Variants in TNFRSF19 observed in about 807,000 individuals in gnomAD.
The protein encoded by TNFRSF19 is tumor necrosis factor receptor superfamily member 19.
Under a neutral mutation model 46.4 loss-of-function variants are expected in TNFRSF19, and 27 were observed. The observed-to-expected ratio is 0.58, with a 90% CI of 0.43 to 0.80. The LOEUF is 0.80. Ranked by LOEUF, TNFRSF19 falls within the 30% of genes least tolerant of loss-of-function variation. The probability of loss-of-function intolerance (pLI) is 0.00; values close to 1 mark genes in which losing one functional copy is unlikely to be tolerated. For missense variants in TNFRSF19, 511 were observed against 530.8 expected, an observed-to-expected ratio of 0.96 and a Z score of 0.37; for synonymous variants, 204 against 205.0, an observed-to-expected ratio of 1.00 and a Z score of 0.04.
intron 3 of TNFRSF19, among the ~76,000 whole-genome samples, chr13:23,601,104 T>A (rs549684766): frequency 6.6e-6 from 1 of 152,192 alleles, no homozygotes; most frequent in East Asian, 1.9e-4. Context: ...GACTTAGAAT[T>A]TTCCCAAGTT....
intron 5 of TNFRSF19, among the ~76,000 whole-genome samples, chr13:23,644,759 G>C (rs1366247558): frequency 6.6e-6 from 1 of 152,156 alleles, no homozygotes; most frequent in Non-Finnish European, 1.5e-5. Context: ...AAACACAGAC[G>C]GTAGGAAATA....
Position 23,657,725 on chromosome 13 carries a change from G to T in TNFRSF19, c.446-1325G>T, listed in dbSNP as rs558351009. Among the ~76,000 whole-genome samples the T allele has an allele frequency of 6.3e-4, 95 of 151,538 alleles. 2 individuals carry two copies. In the South Asian group the frequency reaches 0.019, roughly 31 times the overall value. ...TCTTTTTTTCTTGAGACAGAGTCTC[G>T]CTCTGTCGTCCAGGCTGGAGCGCAG... On this transcript the variant is annotated intron_variant, in intron 5 of 9. Transcript: ENST00000248484.
At chr13:23,641,414 CCT>C (rs1457923150) in intron 5 of TNFRSF19, among the ~76,000 whole-genome samples, 1 of 152,180 alleles carries the variant, frequency 6.6e-6, no homozygotes, top group African/African-American at 2.4e-5. Flanking sequence ...CTCACTATAA[CCT>C]CTGCCTCCCA....
intron 4 of TNFRSF19, among the ~76,000 whole-genome samples, chr13:23,624,143 C>G (rs1424767106): frequency 6.6e-6 from 1 of 152,102 alleles, no homozygotes; most frequent in African/African-American, 2.4e-5. Context: ...AGAGACTGTT[C>G]TTTCCTCACT....
At position 23,593,368 on chromosome 13, in the gene TNFRSF19, A is replaced by G; in HGVS notation, c.93A>G (p.Ser31=). 1 of 1,581,750 alleles carries G rather than the reference A, an allele frequency of 6.3e-7. No individual in the cohort carries two copies. Among genetic ancestry groups the G allele is most frequent in the Non-Finnish European group, 8.5e-7 (1 of 1,171,256 alleles). ...AGTCATGTAAAGTGACTTGTGAATC[A>G]GGAGACTGTAGACAGCAAGAATTCA... is the stretch of plus-strand genomic sequence containing the variant. ...GYLSCKVTCE[S]GDCRQQEFRD... The change falls in exon 3 of 10, where the codon TCA becomes TCG. Residue 31 remains serine, a synonymous_variant. Coordinates refer to ENST00000248484, the MANE Select transcript of TNFRSF19 (RefSeq NM_148957.4).
intron 3 of TNFRSF19, among the ~76,000 whole-genome samples, chr13:23,598,892 C>T (rs1879924048): frequency 6.6e-6 from 1 of 152,144 alleles, no homozygotes; most frequent in South Asian, 2.1e-4. Context: ...TTTAAAGGGA[C>T]TTTTAAAGAG....
chr13:23,590,285 G>A (rs1388941357), intron 2 of TNFRSF19, 33 bp downstream of exon 2: 1 of 1,353,944 alleles, frequency 7.4e-7, no homozygotes, highest in Non-Finnish European at 1.0e-6. Context: ...TCATAAGAAT[G>A]TGGTGAAAGA....
intron 5 of TNFRSF19, among the ~76,000 whole-genome samples, chr13:23,649,892 G>T (rs1198411084): frequency 6.6e-6 from 1 of 151,868 alleles, no homozygotes; most frequent in African/African-American, 2.4e-5. Flanking sequence ...TTCTAATTTT[G>T]TTCCTTTATG....
At chr13:23,607,314 A>T (rs1880576098) in intron 3 of TNFRSF19, among the ~76,000 whole-genome samples, 1 of 151,960 alleles carries the variant, frequency 6.6e-6, no homozygotes, top group Non-Finnish European at 1.5e-5. Flanking sequence ...GGCGCCTTTA[A>T]TCCCAGCTAC....
At chr13:23,672,952 T>G (rs920867450) in intron 9 of TNFRSF19, among the ~76,000 whole-genome samples, 2 of 152,262 alleles carry the variant, frequency 1.3e-5, no homozygotes, top group African/African-American at 4.8e-5. Context: ...AATGGTACTA[T>G]TCATTCATCT....
At chr13:23,664,822 G>T (rs1157320388) in intron 7 of TNFRSF19, among the ~76,000 whole-genome samples, 21 of 152,188 alleles carry the variant, frequency 1.4e-4, no homozygotes, top group Admixed American at 1.4e-3. Context: ...CTACAAACCT[G>T]TACGGCATGT....
At chr13:23,594,451 G>C (rs900564441) in intron 3 of TNFRSF19, 2 of 248,606 alleles carry the variant, frequency 8.0e-6, no homozygotes, top group African/African-American at 4.6e-5. Context: ...GGATTGAGTA[G>C]GTGGTTTTCC....
rs770014148 is a variant in TNFRSF19 at position 23,673,365 on chromosome 13, GTT to G, written c.1246-4_1246-3del. 1.9e-6 allele frequency: 3 copies of G among 1,602,636 alleles called. No homozygotes were observed. The highest frequency in any genetic ancestry group is 2.6e-6 in the Non-Finnish European group (3 of 1,173,410). ...TTTCTAAAGCTTCCTTTCTGTTGCTGTTTTAGGAAGCTTAAAGAACCTGCTTC... is the reference window on the plus strand; with the variant it reads ...TTTCTAAAGCTTCCTTTCTGTTGCTGTTAGGAAGCTTAAAGAACCTGCTTC... On this transcript the variant is annotated splice_polypyrimidine_tract_variant and splice_region_variant and intron_variant, in intron 9 of 9. Coordinates refer to ENST00000248484, the MANE Select transcript of TNFRSF19 (RefSeq NM_148957.4).
intron 1 of TNFRSF19, among the ~76,000 whole-genome samples, chr13:23,578,704 AG>A (rs1878141252): frequency 6.6e-6 from 1 of 152,254 alleles, no homozygotes; most frequent in African/African-American, 2.4e-5. Context: ...CTGGTGGAAA[AG>A]TATTTTACAG....
chr13:23,621,999 G>A (rs1182551374), intron 4 of TNFRSF19, among the ~76,000 whole-genome samples: 1 of 151,978 alleles, frequency 6.6e-6, no homozygotes, highest in Admixed American at 6.6e-5. Flanking sequence ...ACTGTTGATA[G>A]CTGCTCTCAG....
intron 2 of TNFRSF19, 56 bp downstream of exon 2, chr13:23,590,308 A>G (rs558148034): frequency 1.8e-6 from 2 of 1,081,992 alleles, no homozygotes; most frequent in Non-Finnish European, 2.7e-6. Context: ...TCATGTACTA[A>G]TAAGTAGTAG....
intron 1 of TNFRSF19, among the ~76,000 whole-genome samples, chr13:23,574,578 C>T (rs1023533378): frequency 2.6e-5 from 4 of 152,154 alleles, no homozygotes; most frequent in African/African-American, 9.7e-5. Flanking sequence ...TCTGTTCTCC[C>T]TCTGCTTCAG....
Position 23,673,431 on chromosome 13 carries a change from C to T in TNFRSF19, c.*51C>T. The T allele has an allele frequency of 6.3e-7, 1 of 1,588,896 alleles. No individual in the cohort carries two copies. Among genetic ancestry groups the T allele is most frequent in the South Asian group, 1.2e-5 (1 of 86,674 alleles). On this transcript the variant is annotated 3_prime_UTR_variant, in exon 10 of 10. Transcript: ENST00000248484. ...AGCGTGTGCTGGAACCCAAAGAGTA[C>T]TCCTTTGTTAGGCTTATGGACTGAG...
In TNFRSF19 at chr13:23,673,436, T is replaced by G; in HGVS notation, c.*56T>G. The G allele has an allele frequency of 6.3e-7, 1 of 1,585,774 alleles. No homozygotes were observed. Among genetic ancestry groups the G allele is most frequent in the Non-Finnish European group, 8.6e-7 (1 of 1,163,610 alleles). On this transcript the variant is annotated 3_prime_UTR_variant, in exon 10 of 10. Coordinates refer to ENST00000248484, the MANE Select transcript of TNFRSF19 (RefSeq NM_148957.4). Reference sequence around the variant, plus strand: ...GTGCTGGAACCCAAAGAGTACTCCTTTGTTAGGCTTATGGACTGAGCAGTC... The same window carrying G: ...GTGCTGGAACCCAAAGAGTACTCCTGTGTTAGGCTTATGGACTGAGCAGTC...
Sources: gnomAD v4.1 joint callset for allele counts (sites outside exome capture counted in the v4.1 genomes callset) on GRCh38, gnomAD v4.1.1 for gene constraint, MANE v1.5 for transcripts, NCBI Gene and HGNC (gene_info 2026-07-23, HGNC 2026-07-21) for gene names.